Variants in EARS2 observed in about 807,000 individuals in gnomAD.
The protein encoded by EARS2 is glutamyl-tRNA synthetase 2, mitochondrial.
A neutral mutation model predicts 54.1 loss-of-function variants in EARS2; 50 were observed. The observed-to-expected ratio is 0.92, with a 90% CI of 0.74 to 1.17. The LOEUF is 1.17. Ranked by LOEUF, EARS2 falls within the 50% of genes most tolerant of loss-of-function variation. The pLI is 0.00. For missense variants in EARS2, 673 were observed against 675.0 expected (o/e 1.00, Z 0.03); for synonymous variants, 298 against 281.0 (o/e 1.06, Z -0.61).
At chr16:23,537,719 T>C (rs2142175504) in intron 3 of EARS2, among the ~76,000 whole-genome samples, 1 of 152,102 alleles carries the variant, frequency 6.6e-6, no homozygotes, top group East Asian at 1.9e-4. Context: ...ACTACAGGTA[T>C]GCACGACTAT....
Position 23,550,368 on chromosome 16 carries a change from T to TA in EARS2, c.295+1780dup, listed in dbSNP as rs770772133. Among the ~76,000 whole-genome samples the TA allele has an allele frequency of 3.5e-3, 450 of 128,914 alleles. 3 individuals carry two copies. Among genetic ancestry groups the TA allele is most frequent in the South Asian group, 8.8e-3 (35 of 3,992 alleles). 84.6% of individuals were successfully genotyped at this position (128,914 alleles called of 152,430 possible). A position where few individuals can be genotyped will look rare whatever the true frequency, so the allele number is the denominator to read the frequency against. ...GGCAACAGAGCAAGATTTTGTTTGT[T>TA]AAAAAAAAAAAAAAAGAAATAATTA... On this transcript the variant is annotated intron_variant, in intron 2 of 8. Coordinates refer to ENST00000449606, the MANE Select transcript of EARS2 (RefSeq NM_001083614.2).
intron 5 of EARS2, among the ~76,000 whole-genome samples, chr16:23,530,143 T>A (rs1965300245): frequency 6.6e-6 from 1 of 152,204 alleles, no homozygotes; most frequent in Admixed American, 6.5e-5. Context: ...TTTTTGTTTT[T>A]GTTTGAGAGT....
In EARS2 at chr16:23,557,189, C is replaced by T; in HGVS notation, c.139+16G>A. On this transcript the variant is annotated intron_variant, in intron 1 of 8. Transcript: ENST00000449606. The stretch of plus-strand genomic sequence containing the variant: ...CAGGGGGCCTCGGCCTGTAGCGTCA[C>T]GTCCGCCAGGGTTACCTGTGGGGCT... The T allele has an allele frequency of 3.3e-6, 5 of 1,506,470 alleles. No homozygotes were observed. Among genetic ancestry groups the T allele is most frequent in the Non-Finnish European group, 4.4e-6 (5 of 1,136,984 alleles). The allele number at this position is 1,506,470 out of a possible 1,614,324, so 93.3% of individuals were successfully genotyped here.
intron 5 of EARS2, among the ~76,000 whole-genome samples, chr16:23,531,049 G>A (rs888597721): frequency 6.8e-5 from 10 of 147,570 alleles, no homozygotes; most frequent in African/African-American, 1.5e-4. Flanking sequence ...CCGCCACGTC[G>A]GGCTGATTTT....
intron 3 of EARS2, among the ~76,000 whole-genome samples, chr16:23,539,533 G>A (rs1185164919): frequency 3.9e-5 from 6 of 152,088 alleles, no homozygotes; most frequent in Admixed American, 6.6e-5. Context: ...AAAAAATAAC[G>A]ACTTAGATAA....
intron 1 of EARS2, among the ~76,000 whole-genome samples, chr16:23,554,156 T>C (rs1465730569): frequency 6.6e-6 from 1 of 151,676 alleles, no homozygotes; most frequent in Non-Finnish European, 1.5e-5. Flanking sequence ...ACTACAAGTG[T>C]ACACCACCAT....
chr16:23,532,015 G>C (rs2142167584), intron 5 of EARS2, among the ~76,000 whole-genome samples: 1 of 152,298 alleles, frequency 6.6e-6, no homozygotes, highest in South Asian at 2.1e-4. Flanking sequence ...GTTTCACCAT[G>C]TTGGCCAGGC....
intron 2 of EARS2, chr16:23,545,093 C>T (rs1965581665): frequency 6.0e-6 from 1 of 167,368 alleles, no homozygotes; most frequent in Non-Finnish European, 1.3e-5. Context: ...CCACCTGCCT[C>T]GGCCTCTCAA....
intron 4 of EARS2, among the ~76,000 whole-genome samples, chr16:23,533,305 A>G (rs1965357160): frequency 6.6e-6 from 1 of 151,968 alleles, no homozygotes; most frequent in Non-Finnish European, 1.5e-5. Flanking sequence ...ATACACACAT[A>G]CATACATACA....
In EARS2 at chr16:23,521,643, T is replaced by TACC. The variant is rs1965143490; in HGVS notation, c.*2725_*2727dup. 4.6e-6 allele frequency: 2 copies of TACC among 436,438 alleles called. No homozygotes were observed. The highest frequency in any genetic ancestry group is 9.3e-6 in the Non-Finnish European group (2 of 215,972). 27.0% of individuals were successfully genotyped at this position (436,438 alleles called of 1,614,324 possible). On this transcript the variant is annotated 3_prime_UTR_variant, in exon 9 of 9. Coordinates refer to ENST00000449606, the MANE Select transcript of EARS2 (RefSeq NM_001083614.2). The stretch of plus-strand genomic sequence containing the variant: ...CCAAACTCCTGGCCTTTGACAAGCC[T>TACC]ACCACCTTTGCCTCACAAAGCATTA...
Position 23,533,644 on chromosome 16 carries a change from G to C in EARS2, c.959-879C>G, listed in dbSNP as rs117470567. Among the ~76,000 whole-genome samples the C allele has an allele frequency of 1.6e-4, 24 of 152,330 alleles. No homozygotes were observed. The East Asian group carries it at 4.6e-3, about 29-fold the overall frequency. On this transcript the variant is annotated intron_variant, in intron 4 of 8. Coordinates refer to ENST00000449606, the MANE Select transcript of EARS2 (RefSeq NM_001083614.2). ...CCCATCTCCATTACTCTCAAGACAC[G>C]AGCTGCAGAACAGTACGCCCATTGC...
At chr16:23,547,374 G>T (rs377747144) in intron 2 of EARS2, among the ~76,000 whole-genome samples, 2 of 152,292 alleles carry the variant, frequency 1.3e-5, no homozygotes, top group East Asian at 1.9e-4. Context: ...CTGCTAATAA[G>T]GAAGAGTTTC....
At chr16:23,531,503 T>C (rs572157703) in intron 5 of EARS2, among the ~76,000 whole-genome samples, 2 of 152,064 alleles carry the variant, frequency 1.3e-5, no homozygotes, top group South Asian at 2.1e-4. Context: ...CCTTGTGATC[T>C]GCCTGCCTCG....
intron 8 of EARS2, 136 bp from the exon 9 acceptor site, chr16:23,524,590 T>C: frequency 1.4e-6 from 1 of 734,934 alleles, no homozygotes. Context: ...AGTGCTTGTG[T>C]TATTTCCCTG....
intron 1 of EARS2, 77 bp from the exon 2 acceptor site, chr16:23,552,381 G>A: frequency 2.1e-6 from 3 of 1,449,408 alleles, no homozygotes; most frequent in Non-Finnish European, 2.9e-6. Context: ...AAGCACTACT[G>A]TGACAGAATG....
rs1481675184 is a variant in EARS2 at position 23,525,358 on chromosome 16, C to G, written c.1374G>C (p.Met458Ile). 1 of 1,613,742 alleles carries G rather than the reference C, an allele frequency of 6.2e-7. No individual in the cohort carries two copies. The highest frequency in any genetic ancestry group is 8.5e-7 in the Non-Finnish European group (1 of 1,179,856). The stretch of plus-strand genomic sequence containing the variant: ...CATTCAGCATATCCTGAGTTAAGCT[C>G]ATACTAGATCTTTCTAGAAGCCTAG... ...RVLGLLERSS[M>I]SLTQDMLNGE... The change falls in exon 8 of 9, where the codon ATG becomes ATC. Residue 458 changes from methionine (M) to isoleucine (I), a missense_variant. Coordinates refer to ENST00000449606, the MANE Select transcript of EARS2 (RefSeq NM_001083614.2).
intron 3 of EARS2, among the ~76,000 whole-genome samples, chr16:23,541,899 C>T (rs866779102): frequency 1.5e-4 from 22 of 151,270 alleles, no homozygotes; most frequent in Non-Finnish European, 2.7e-4. Flanking sequence ...TGCTCTGTTG[C>T]CCAGGCTGGA....
At chr16:23,530,403 C>A (rs1326854899) in intron 5 of EARS2, among the ~76,000 whole-genome samples, 1 of 152,228 alleles carries the variant, frequency 6.6e-6, no homozygotes, top group Non-Finnish European at 1.5e-5. Flanking sequence ...GTGTGGGCCA[C>A]CATGCCCAGC....
Position 23,557,305 on chromosome 16 carries a change from C to A in EARS2, c.39G>T (p.Arg13Ser). The change falls in exon 1 of 9, where the codon AGG becomes AGT. Residue 13 changes from arginine (R) to serine (S), a missense_variant. Transcript: ENST00000449606. ...CGGGGCGGCCAGAGGCCGCCGAAGG[C>A]CTCTCGCGCTGCAGCAGTCTCCTCA... The part of the protein sequence containing the change: ...ALLRRLLQRE[R>S]PSAASGRPVG... 1 of 1,520,308 alleles carries A rather than the reference C, an allele frequency of 6.6e-7. No homozygotes were observed. Among genetic ancestry groups the A allele is most frequent in the Non-Finnish European group, 8.7e-7 (1 of 1,144,824 alleles). 94.2% of individuals were successfully genotyped at this position (1,520,308 alleles called of 1,614,324 possible). A position where few individuals can be genotyped will look rare whatever the true frequency, so the allele number is the denominator to read the frequency against.
Sources: allele counts gnomAD v4.1 joint callset (sites outside exome capture counted in the v4.1 genomes callset), GRCh38; gene constraint gnomAD v4.1.1; transcripts MANE v1.5; gene names NCBI Gene and HGNC (gene_info 2026-07-23, HGNC 2026-07-21).